The following CADPS2 variants were observed in gnomAD, a reference collection of about 807,000 sequenced individuals.
CADPS2 encodes the protein calcium dependent secretion activator 2.
CADPS2 carries 93 observed loss-of-function variants against 172.5 expected under a neutral mutation model. That is an observed-to-expected ratio of 0.54 (90% confidence interval 0.46 to 0.64). The LOEUF (loss-of-function observed/expected upper bound fraction) is 0.64, where lower values mean the gene tolerates loss of function less well. Among genes scored for constraint, CADPS2 ranks in the 30% least tolerant of loss-of-function variants. The pLI is 0.00. For missense variants in CADPS2, 1,420 were observed against 1,565.9 expected (o/e 0.91, Z 1.57); for synonymous variants, 546 against 555.2 (o/e 0.98, Z 0.23).
At chr7:122,592,431 A>C (rs536168432) in intron 6 of CADPS2, among the ~76,000 whole-genome samples, 1 of 151,910 alleles carries the variant, frequency 6.6e-6, no homozygotes, top group Non-Finnish European at 1.5e-5. Flanking sequence ...ACAGTGTGGC[A>C]ATTCCTCAGG....
At chr7:122,400,390 T>C (rs1015023319) in intron 20 of CADPS2, among the ~76,000 whole-genome samples, 5 of 151,698 alleles carry the variant, frequency 3.3e-5, no homozygotes, top group African/African-American at 7.3e-5. Flanking sequence ...TCAGCCAAGA[T>C]CACTCCATTG....
intron 8 of CADPS2, among the ~76,000 whole-genome samples, chr7:122,541,816 CATATGTTT>C (rs2063073282): frequency 5.4e-5 from 4 of 74,048 alleles, no homozygotes; most frequent in Admixed American, 1.5e-4. Flanking sequence ...TTTATATATT[CATATGTTT>C]ATATATTCAT....
At chr7:122,683,263 C>T (rs1198380033) in intron 2 of CADPS2, among the ~76,000 whole-genome samples, 2 of 152,186 alleles carry the variant, frequency 1.3e-5, no homozygotes, top group African/African-American at 4.8e-5. Flanking sequence ...TCTCAGCTTA[C>T]TCCTCAGCCA....
At chr7:122,438,225 T>C (rs2050897760) in intron 17 of CADPS2, 116 bp downstream of exon 17, 8 of 1,304,516 alleles carry the variant, frequency 6.1e-6, no homozygotes, top group Non-Finnish European at 8.6e-6. Flanking sequence ...AATGAGACAT[T>C]TCCCTTTGCC....
At chr7:122,336,554 T>C (rs1181292188) in intron 28 of CADPS2, among the ~76,000 whole-genome samples, 3 of 152,222 alleles carry the variant, frequency 2.0e-5, no homozygotes, top group South Asian at 2.1e-4. Flanking sequence ...GAAAGATACA[T>C]GAAAGCAATG....
intron 11 of CADPS2, among the ~76,000 whole-genome samples, 197 bp from the exon 12 acceptor site, chr7:122,481,057 T>C (rs1007591003): frequency 2.0e-5 from 3 of 151,978 alleles, no homozygotes; most frequent in Non-Finnish European, 4.4e-5. Context: ...ATACTATGGA[T>C]GAAACTACTC....
At position 122,621,736 on chromosome 7, in the gene CADPS2, A is replaced by C; in HGVS notation, c.868-19T>G. On this transcript the variant is annotated intron_variant, in intron 4 of 29. Coordinates refer to ENST00000449022, the MANE Select transcript of CADPS2 (RefSeq NM_017954.11). ...TTCTTTCCTTGAAAATAATTTTTAA[A>C]ATAATAGTGTTACATAAGTCATATT... The C allele has an allele frequency of 7.3e-7, 1 of 1,361,750 alleles. No homozygotes were observed. 84.4% of individuals were successfully genotyped at this position (1,361,750 alleles called of 1,614,324 possible).
At chr7:122,496,571 A>AT (rs1160046532) in intron 9 of CADPS2, among the ~76,000 whole-genome samples, 1 of 152,098 alleles carries the variant, frequency 6.6e-6, no homozygotes, top group African/African-American at 2.4e-5. Flanking sequence ...CACAAGTAGC[A>AT]TTTTTATGAG....
rs2031914521 is a variant in CADPS2 at position 122,319,423 on chromosome 7, T to C, written c.*742A>G. On this transcript the variant is annotated 3_prime_UTR_variant, in exon 30 of 30. Coordinates refer to ENST00000449022, the MANE Select transcript of CADPS2 (RefSeq NM_017954.11). ...TATGAGCAAATAGATTTTTATTGCC[T>C]GCAAGCTGTTATACTGGAGCAGGAG... 1 of 152,216 alleles carries C rather than the reference T, an allele frequency of 6.6e-6. No individual in the cohort carries two copies. The allele number at this position is 152,216 out of a possible 1,614,324, so 9.4% of individuals were successfully genotyped here.
chr7:122,680,395 C>A (rs2082893694), intron 2 of CADPS2, among the ~76,000 whole-genome samples: 1 of 152,214 alleles, frequency 6.6e-6, no homozygotes, highest in Non-Finnish European at 1.5e-5. Flanking sequence ...TATGATTAAT[C>A]TAAACCCCTC....
At chr7:122,859,955 C>T (rs990083822) in intron 1 of CADPS2, among the ~76,000 whole-genome samples, 3 of 152,050 alleles carry the variant, frequency 2.0e-5, no homozygotes, top group African/African-American at 7.2e-5. Flanking sequence ...CTGTATATCT[C>T]CAGTAAAGTT....
chr7:122,885,979 C>A lies in CADPS2; in HGVS notation c.339+20G>T. 6.3e-7 allele frequency: 1 copy of A among 1,591,252 alleles called. No homozygotes were observed. The highest frequency in any genetic ancestry group is 8.6e-7 in the Non-Finnish European group (1 of 1,169,256). On this transcript the variant is annotated intron_variant, in intron 1 of 29. Transcript: ENST00000449022. Reference sequence around the variant, plus strand: ...CCCAGGGAGAAGTGGTGGTAGGAGGCGCCCGGTCCCGCAACTCACCTTCTG... The same window carrying A: ...CCCAGGGAGAAGTGGTGGTAGGAGGAGCCCGGTCCCGCAACTCACCTTCTG...
intron 8 of CADPS2, among the ~76,000 whole-genome samples, chr7:122,527,416 TAA>T (rs5887096): frequency 0.27 from 39,022 of 145,350 alleles, 5,506 homozygotes; most frequent in Middle Eastern, 0.34. Context: ...ACTAATATGC[TAA>T]AAAAAAAAAA....
At chr7:122,678,917 A>G (rs1355198885) in intron 2 of CADPS2, among the ~76,000 whole-genome samples, 2 of 152,130 alleles carry the variant, frequency 1.3e-5, no homozygotes, top group East Asian at 3.9e-4. Context: ...ACACTTCCCC[A>G]ATCAATACTC....
chr7:122,404,573 C>A (rs564496379), intron 20 of CADPS2, among the ~76,000 whole-genome samples: 2 of 152,292 alleles, frequency 1.3e-5, no homozygotes, highest in African/African-American at 4.8e-5. Context: ...ACCACACTGA[C>A]TTCCACAATG....
chr7:122,764,927 G>A (rs1274240020), intron 1 of CADPS2, among the ~76,000 whole-genome samples: 1 of 151,916 alleles, frequency 6.6e-6, no homozygotes, highest in Non-Finnish European at 1.5e-5. Flanking sequence ...CACACTTGTA[G>A]CCCAGGTATT....
intron 1 of CADPS2, among the ~76,000 whole-genome samples, chr7:122,766,402 T>C (rs1012212293): frequency 3.3e-5 from 5 of 152,178 alleles, no homozygotes; most frequent in Non-Finnish European, 4.4e-5. Flanking sequence ...TATTAGCCAG[T>C]TGTAATTTAG....
At chr7:122,607,938 G>A (rs1459087921) in intron 6 of CADPS2, among the ~76,000 whole-genome samples, 3 of 152,112 alleles carry the variant, frequency 2.0e-5, no homozygotes, top group African/African-American at 7.2e-5. Context: ...GGCACAGTTG[G>A]CTGACAGCGG....
intron 14 of CADPS2, among the ~76,000 whole-genome samples, chr7:122,453,676 A>C (rs1248194737): frequency 6.6e-6 from 1 of 152,204 alleles, no homozygotes; most frequent in Admixed American, 6.5e-5. Context: ...CTATGTGGTT[A>C]AATAGGAGTA....
Sources: gnomAD v4.1 joint callset for allele counts (sites outside exome capture counted in the v4.1 genomes callset) on GRCh38, gnomAD v4.1.1 for gene constraint, MANE v1.5 for transcripts, NCBI Gene and HGNC (gene_info 2026-07-23, HGNC 2026-07-21) for gene names.